CABP5: variants seen among roughly 807,000 people sequenced by gnomAD.
CABP5 encodes the protein calcium-binding protein 5.
In CABP5, 17 loss-of-function variants were observed where a neutral mutation model predicts 21.9. The observed-to-expected ratio is 0.78, with a 90% CI of 0.53 to 1.17. CABP5 has a LOEUF of 1.17. Among genes scored for constraint, CABP5 ranks in the 50% most tolerant of loss-of-function variants. The pLI, the probability that CABP5 is intolerant of heterozygous loss-of-function variation, is 0.00. For missense variants in CABP5, 229 were observed against 228.9 expected, an observed-to-expected ratio of 1.00 and a Z score of 0.00; for synonymous variants, 85 against 79.4, an observed-to-expected ratio of 1.07 and a Z score of -0.37.
rs560299882 is a variant in CABP5 at position 48,035,511 on chromosome 19, C to T, written c.349-1149G>A. Among the ~76,000 whole-genome samples the T allele has an allele frequency of 1.6e-3, 243 of 152,320 alleles. 1 individual carries two copies. Among genetic ancestry groups the T allele is most frequent in the South Asian group, 3.5e-3 (17 of 4,820 alleles). ...ACTCGAGAGGCTGAGGCAGGAGAAT[C>T]GCTTGAACCTGGGAGGTGGAGGTTG... is the stretch of plus-strand genomic sequence containing the variant. On this transcript the variant is annotated intron_variant, in intron 4 of 5. Coordinates refer to ENST00000293255, the MANE Select transcript of CABP5 (RefSeq NM_019855.5).
At chr19:48,035,350 C>T (rs1284228790) in intron 4 of CABP5, among the ~76,000 whole-genome samples, 1 of 152,224 alleles carries the variant, frequency 6.6e-6, no homozygotes, top group Admixed American at 6.5e-5. Flanking sequence ...GTAATCCCAG[C>T]ACTTTGGGAG....
intron 5 of CABP5, among the ~76,000 whole-genome samples, chr19:48,032,626 CCTTTTTTT>C (rs1412353594): frequency 5.2e-5 from 7 of 133,880 alleles, no homozygotes; most frequent in East Asian, 2.0e-4. Context: ...ACGCGCCTGG[CCTTTTTTT>C]CTTTTTTTCT....
intron 1 of CABP5, among the ~76,000 whole-genome samples, chr19:48,043,016 C>T (rs1555738860): frequency 6.6e-6 from 1 of 151,700 alleles, no homozygotes; most frequent in Non-Finnish European, 1.5e-5. Flanking sequence ...CTGCCACTTA[C>T]TTTTTTTTAA....
intron 1 of CABP5, 40 bp from the exon 2 acceptor site, chr19:48,041,643 G>T (rs763273974): frequency 1.9e-6 from 3 of 1,594,394 alleles, no homozygotes; most frequent in South Asian, 1.1e-5. Context: ...TGGAGAGAGG[G>T]TCACCCATTC....
rs1967322307 is a variant in CABP5 at position 48,030,276 on chromosome 19, A to G, written c.*281T>C. On this transcript the variant is annotated 3_prime_UTR_variant, in exon 6 of 6. Transcript: ENST00000293255. ...GACTACGTGAAGTGAAAAGATGTCA[A>G]GAATCATTGGAATTTTTGGGGGTGG... The G allele has an allele frequency of 4.7e-6, 2 of 421,082 alleles. No individual in the cohort carries two copies. Among genetic ancestry groups the G allele is most frequent in the Non-Finnish European group, 4.2e-6 (1 of 238,914 alleles). The allele number at this position is 421,082 out of a possible 1,614,324, so 26.1% of individuals were successfully genotyped here. A position where few individuals can be genotyped will look rare whatever the true frequency, so the allele number is the denominator to read the frequency against.
intron 4 of CABP5, among the ~76,000 whole-genome samples, chr19:48,036,410 C>A (rs1002692521): frequency 6.6e-6 from 1 of 151,984 alleles, no homozygotes; most frequent in Non-Finnish European, 1.5e-5. Flanking sequence ...TAAATATATA[C>A]CACGCAGAAG....
At chr19:48,035,881 C>A (rs2122367897) in intron 4 of CABP5, among the ~76,000 whole-genome samples, 1 of 152,242 alleles carries the variant, frequency 6.6e-6, no homozygotes, top group South Asian at 2.1e-4. Flanking sequence ...AGACAAGAAG[C>A]CACTGGAGAA....
chr19:48,033,910 A>C (rs11880535), intron 5 of CABP5, among the ~76,000 whole-genome samples: 46,003 of 151,984 alleles, frequency 0.3, 7,898 homozygotes, highest in Non-Finnish European at 0.39. Context: ...TTCCTAGGAT[A>C]AAAGGTGCCC....
intron 1 of CABP5, among the ~76,000 whole-genome samples, chr19:48,042,790 G>T (rs1967498848): frequency 6.6e-6 from 1 of 152,024 alleles, no homozygotes; most frequent in African/African-American, 2.4e-5. Context: ...GGCCAGGCTG[G>T]TCTTGACCTC....
rs373981868 is a variant in CABP5 at position 48,033,088 on chromosome 19, G to A, written c.496+1127C>T. On this transcript the variant is annotated intron_variant, in intron 5 of 5. Coordinates refer to ENST00000293255, the MANE Select transcript of CABP5 (RefSeq NM_019855.5). ...GCGATCTCAGCTCACTGCAACCTCCGCCCCCAGCGTTCTAGCAATTCTCCT... is the reference window on the plus strand; with the variant it reads ...GCGATCTCAGCTCACTGCAACCTCCACCCCCAGCGTTCTAGCAATTCTCCT... 7.7e-5 allele frequency among the ~76,000 whole-genome samples: 11 copies of A among 142,190 alleles called. No homozygotes were observed. In the South Asian group the frequency reaches 1.3e-3, roughly 17 times the overall value. 93.3% of individuals were successfully genotyped at this position (142,190 alleles called of 152,430 possible). A position where few individuals can be genotyped will look rare whatever the true frequency, so the allele number is the denominator to read the frequency against.
intron 5 of CABP5, among the ~76,000 whole-genome samples, chr19:48,033,168 A>AT (rs1443100730): frequency 2.6e-5 from 4 of 151,656 alleles, no homozygotes; most frequent in Non-Finnish European, 5.9e-5. Flanking sequence ...CTTCCGGCTA[A>AT]TTTTTTTGTA....
rs115893119 is a variant in CABP5, at chr19:48,030,482, T to G, written c.*75A>C. ...CTCTGCTTTAAGGGGATCTGGGGCT[T>G]TTGGGCTTTGGTTCTCCACAAGCGC... On this transcript the variant is annotated 3_prime_UTR_variant, in exon 6 of 6. Transcript: ENST00000293255. 4,706 of 1,493,476 alleles carry G rather than the reference T, an allele frequency of 3.2e-3. 137 individuals carry two copies. The African/African-American group carries it at 0.058, about 18-fold the overall frequency. The allele number at this position is 1,493,476 out of a possible 1,614,324, so 92.5% of individuals were successfully genotyped here.
At chr19:48,034,039 G>C (rs1568412481) in intron 5 of CABP5, among the ~76,000 whole-genome samples, 176 bp downstream of exon 5, 1 of 152,180 alleles carries the variant, frequency 6.6e-6, no homozygotes, top group Non-Finnish European at 1.5e-5. Context: ...TCTTTGAAAT[G>C]AATAGCCTGG....
intron 1 of CABP5, among the ~76,000 whole-genome samples, 189 bp from the exon 2 acceptor site, chr19:48,041,792 C>G (rs532196115): frequency 1.8e-4 from 27 of 152,160 alleles, no homozygotes; most frequent in South Asian, 6.2e-4. Context: ...CTCCCCACCC[C>G]CCTCTCGATG....
intron 2 of CABP5, among the ~76,000 whole-genome samples, chr19:48,041,100 C>G (rs542804023): frequency 6.6e-6 from 1 of 152,054 alleles, no homozygotes; most frequent in African/African-American, 2.4e-5. Flanking sequence ...GCAGAAGAAT[C>G]GCTTGAACCT....
Position 48,034,343 on chromosome 19 carries a change from C to G in CABP5, c.368G>C (p.Gly123Ala). ...AFKEFDTNGD[G>A]EITLVELQQA... ...CTGTAGCTCCACCAGGGTGATCTCC[C>G]CATCTCCATTCGTGTCAAACTGAAT... Residue 123 changes from glycine (G) to alanine (A), a missense_variant, in exon 5 of 6, where the codon GGG becomes GCG. Physicochemically the swap from Gly to Ala is moderately conservative, Grantham distance 60. Coordinates refer to ENST00000293255, the MANE Select transcript of CABP5 (RefSeq NM_019855.5). 6.3e-7 allele frequency: 1 copy of G among 1,577,848 alleles called. No individual in the cohort carries two copies. Among genetic ancestry groups the G allele is most frequent in the South Asian group, 1.2e-5 (1 of 85,890 alleles).
intron 4 of CABP5, among the ~76,000 whole-genome samples, chr19:48,035,901 G>A (rs1044615111): frequency 2.6e-5 from 4 of 152,196 alleles, no homozygotes; most frequent in Non-Finnish European, 4.4e-5. Flanking sequence ...ATTTTAAGCA[G>A]GGGAGTGACC....
chr19:48,038,535 T>C (rs1416138133), intron 4 of CABP5, among the ~76,000 whole-genome samples: 1 of 152,004 alleles, frequency 6.6e-6, no homozygotes, highest in Non-Finnish European at 1.5e-5. Flanking sequence ...GCACTAAGAA[T>C]AGAGGCCCTG....
intron 4 of CABP5, among the ~76,000 whole-genome samples, chr19:48,035,304 A>C (rs748524065): frequency 3.9e-5 from 6 of 152,216 alleles, no homozygotes; most frequent in African/African-American, 7.2e-5. Context: ...CCTTCTTTTT[A>C]AAAGCTGAAT....
Sources: allele counts gnomAD v4.1 joint callset (sites outside exome capture counted in the v4.1 genomes callset), GRCh38; gene constraint gnomAD v4.1.1; transcripts MANE v1.5; gene names NCBI Gene and HGNC (gene_info 2026-07-23, HGNC 2026-07-21).